NALCN: variants seen among roughly 807,000 people sequenced by gnomAD.
NALCN encodes sodium leak channel NALCN.
NALCN carries 111 observed loss-of-function variants against 225.3 expected under a neutral mutation model. The observed-to-expected ratio is 0.49, with a 90% CI of 0.42 to 0.58. The LOEUF (loss-of-function observed/expected upper bound fraction) is 0.58, where lower values mean the gene tolerates loss of function less well. Among genes scored for constraint, NALCN ranks in the 20% least tolerant of loss-of-function variants. The pLI is 0.00. For synonymous variants in NALCN, 764 were observed against 769.0 expected (o/e 0.99, Z 0.11); for missense variants, 1,378 against 2,202.4 (o/e 0.63, Z 7.49).
At chr13:101,100,691 C>G in intron 27 of NALCN, 93 bp downstream of exon 27, 1 of 1,046,666 alleles carries the variant, frequency 9.6e-7, no homozygotes, top group South Asian at 1.8e-5. Flanking sequence ...GTAATCTTCC[C>G]TCCTTGGCAT....
chr13:101,214,660 A>G (rs896705467), intron 13 of NALCN, among the ~76,000 whole-genome samples: 1 of 152,172 alleles, frequency 6.6e-6, no homozygotes, highest in African/African-American at 2.4e-5. Flanking sequence ...AGTAGCTTGA[A>G]TCAAGAAAAG....
At chr13:101,380,222 A>G (rs530057467) in intron 3 of NALCN, among the ~76,000 whole-genome samples, 3 of 148,212 alleles carry the variant, frequency 2.0e-5, no homozygotes, top group South Asian at 2.1e-4. Flanking sequence ...TAATAAAAAT[A>G]GAATTCAAGA....
At chr13:101,058,439 A>ATGCGG in intron 42 of NALCN, 1 of 159,570 alleles carries the variant, frequency 6.3e-6, no homozygotes, top group Non-Finnish European at 1.4e-5. Flanking sequence ...GTCTACTGTC[A>ATGCGG]CCAGCCTGGA....
chr13:101,115,552 C>T (rs781638809), intron 18 of NALCN, among the ~76,000 whole-genome samples: 13 of 152,100 alleles, frequency 8.5e-5, no homozygotes, highest in Admixed American at 5.2e-4. Context: ...CTTAAAGTTA[C>T]GAAGTAACAG....
intron 11 of NALCN, among the ~76,000 whole-genome samples, chr13:101,249,479 T>G (rs1464844473): frequency 6.6e-6 from 1 of 152,090 alleles, no homozygotes; most frequent in Non-Finnish European, 1.5e-5. Context: ...TAAAAGAAAA[T>G]AAAATCACAG....
At chr13:101,200,639 G>A (rs751397746) in intron 13 of NALCN, among the ~76,000 whole-genome samples, 42 of 152,136 alleles carry the variant, frequency 2.8e-4, no homozygotes, top group Middle Eastern at 3.4e-3. Flanking sequence ...GCTTCCCACA[G>A]GGCCACTGAG....
At chr13:101,147,192 C>T (rs186134649) in intron 15 of NALCN, among the ~76,000 whole-genome samples, 1 of 152,344 alleles carries the variant, frequency 6.6e-6, no homozygotes, top group East Asian at 1.9e-4. Context: ...CCAGTGCCTC[C>T]CTGGCCAATG....
intron 11 of NALCN, among the ~76,000 whole-genome samples, chr13:101,254,464 A>G (rs1401586921): frequency 6.6e-6 from 1 of 152,050 alleles, no homozygotes; most frequent in Non-Finnish European, 1.5e-5. Context: ...AAGTAGTTCA[A>G]GAGTACACTG....
intron 6 of NALCN, among the ~76,000 whole-genome samples, chr13:101,356,155 A>T (rs116107956): frequency 0.032 from 4,906 of 152,176 alleles, 264 homozygotes; most frequent in African/African-American, 0.11. Flanking sequence ...CAAGAGCAAA[A>T]AAATCTAAAA....
intron 15 of NALCN, 142 bp from the exon 16 acceptor site, chr13:101,145,038 C>A (rs1397714330): frequency 1.3e-6 from 1 of 796,538 alleles, no homozygotes; most frequent in Admixed American, 3.9e-5. Flanking sequence ...CCAAGTATAC[C>A]TCTCTTGCCC....
intron 7 of NALCN, among the ~76,000 whole-genome samples, chr13:101,340,324 TAA>T (rs2045517761): frequency 6.6e-6 from 1 of 152,080 alleles, no homozygotes; most frequent in Non-Finnish European, 1.5e-5. Flanking sequence ...CTCCCTTGAA[TAA>T]GATACTGGAA....
chr13:101,084,830 T>A (rs2033852179), intron 30 of NALCN, among the ~76,000 whole-genome samples: 1 of 152,172 alleles, frequency 6.6e-6, no homozygotes, highest in African/African-American at 2.4e-5. Flanking sequence ...AGGAGAAGAA[T>A]TGATGGGGTC....
At chr13:101,272,681 G>A (rs1424488183) in intron 10 of NALCN, among the ~76,000 whole-genome samples, 1 of 152,154 alleles carries the variant, frequency 6.6e-6, no homozygotes, top group East Asian at 1.9e-4. Context: ...AAGCATAATG[G>A]GTTGGTTTGG....
intron 17 of NALCN, among the ~76,000 whole-genome samples, chr13:101,139,801 G>A (rs969869473): frequency 6.6e-6 from 1 of 152,064 alleles, no homozygotes; most frequent in Non-Finnish European, 1.5e-5. Flanking sequence ...AGTGGCTTTC[G>A]GGTTTCTTAA....
intron 13 of NALCN, among the ~76,000 whole-genome samples, chr13:101,220,941 C>T (rs947022311): frequency 9.9e-5 from 15 of 152,086 alleles, no homozygotes; most frequent in African/African-American, 2.9e-4. Context: ...AAACACATTT[C>T]GGCTTACATC....
At chr13:101,403,240 T>C (rs2047526991) in intron 1 of NALCN, among the ~76,000 whole-genome samples, 1 of 152,212 alleles carries the variant, frequency 6.6e-6, no homozygotes, top group African/African-American at 2.4e-5. Flanking sequence ...GCACTGAATA[T>C]GAAGGCATTC....
Position 101,395,201 on chromosome 13 carries a change from G to A in NALCN, c.273C>T (p.His91=). Residue 91 remains histidine, a synonymous_variant, in exon 3 of 44, where the codon CAC becomes CAT. Transcript: ENST00000251127. The part of the protein sequence containing the change: ...LYTAEMIAKM[H]IRGIVKGDSS... ...TGCTCACCTTGACAATGCCCCGGAT[G>A]TGCATTTTTGCTATCATCTCTGCCG... 1 of 1,613,472 alleles carries A rather than the reference G, an allele frequency of 6.2e-7. No individual in the cohort carries two copies. The highest frequency in any genetic ancestry group is 8.5e-7 in the Non-Finnish European group (1 of 1,179,722).
At chr13:101,217,980 T>G (rs2040804245) in intron 13 of NALCN, among the ~76,000 whole-genome samples, 1 of 152,114 alleles carries the variant, frequency 6.6e-6, no homozygotes, top group Non-Finnish European at 1.5e-5. Context: ...CTTGTCCAGG[T>G]TTTGGGTCTG....
At chr13:101,082,392 G>T (rs1370499361) in intron 33 of NALCN, among the ~76,000 whole-genome samples, 1 of 152,132 alleles carries the variant, frequency 6.6e-6, no homozygotes, top group African/African-American at 2.4e-5. Flanking sequence ...CCAGTGTAGG[G>T]CAAAATAAGA....
Sources: allele counts gnomAD v4.1 joint callset (sites outside exome capture counted in the v4.1 genomes callset), GRCh38; gene constraint gnomAD v4.1.1; transcripts MANE v1.5; gene names NCBI Gene and HGNC (gene_info 2026-07-23, HGNC 2026-07-21).